AGBL4: variants seen among roughly 807,000 people sequenced by gnomAD.
AGBL4 encodes the protein AGBL carboxypeptidase 4.
Under a neutral mutation model 66.4 loss-of-function variants are expected in AGBL4, and 58 were observed. The observed-to-expected ratio is 0.87, with a 90% confidence interval of 0.71 to 1.09. AGBL4 has a LOEUF of 1.09. Ranked by LOEUF, AGBL4 falls within the 50% of genes least tolerant of loss-of-function variation. The pLI is 0.00. For missense variants in AGBL4, 579 were observed against 631.0 expected (o/e 0.92, Z 0.88); for synonymous variants, 234 against 222.9 (o/e 1.05, Z -0.44).
At chr1:48,967,342 T>A (rs1658530761) in intron 5 of AGBL4, among the ~76,000 whole-genome samples, 1 of 152,162 alleles carries the variant, frequency 6.6e-6, no homozygotes, top group Non-Finnish European at 1.5e-5. Flanking sequence ...ATTCACTCGT[T>A]TATTTATTCA....
chr1:49,041,307 A>T (rs1643936063), intron 5 of AGBL4, among the ~76,000 whole-genome samples: 1 of 152,122 alleles, frequency 6.6e-6, no homozygotes, highest in African/African-American at 2.4e-5. Context: ...GGTAACTGAG[A>T]ATCAACTTGT....
At chr1:49,331,093 G>T (rs959174672) in intron 3 of AGBL4, among the ~76,000 whole-genome samples, 4 of 152,166 alleles carry the variant, frequency 2.6e-5, no homozygotes, top group Non-Finnish European at 4.4e-5. Context: ...CACTCCACTA[G>T]GGTCTTGGGT....
chr1:49,901,109 C>T (rs1052924970), intron 1 of AGBL4, among the ~76,000 whole-genome samples: 2 of 152,270 alleles, frequency 1.3e-5, no homozygotes, highest in East Asian at 3.9e-4. Flanking sequence ...AAGATGAAAG[C>T]ATTCCACCTT....
intron 3 of AGBL4, among the ~76,000 whole-genome samples, chr1:49,581,887 G>C (rs1644549277): frequency 6.6e-6 from 1 of 152,094 alleles, no homozygotes; most frequent in Non-Finnish European, 1.5e-5. Flanking sequence ...TTGAGTTCCT[G>C]GGCAGCTGAG....
intron 1 of AGBL4, among the ~76,000 whole-genome samples, chr1:49,900,178 T>C (rs750966457): frequency 6.6e-6 from 1 of 152,248 alleles, no homozygotes; most frequent in Admixed American, 6.5e-5. Flanking sequence ...CTTCTAACTG[T>C]AGAAGCTAGT....
At position 48,945,617 on chromosome 1, in the gene AGBL4, G is replaced by A. The variant is rs146000354; in HGVS notation, c.595-78387C>T. ...ACACTGTATGAGAGAGCTTTGCCCT[G>A]TTCTGGTACCTGGTAAATACTCAGT... On this transcript the variant is annotated intron_variant, in intron 5 of 13. Coordinates refer to ENST00000371839, the MANE Select transcript of AGBL4 (RefSeq NM_032785.4). Among the ~76,000 whole-genome samples, 6 of 152,292 alleles carry A rather than the reference G, an allele frequency of 3.9e-5. No individual in the cohort carries two copies. The East Asian group carries it at 5.8e-4, about 15-fold the overall frequency.
intron 3 of AGBL4, among the ~76,000 whole-genome samples, chr1:49,444,994 G>A (rs1646121731): frequency 6.6e-6 from 1 of 151,312 alleles, no homozygotes; most frequent in Admixed American, 6.6e-5. Flanking sequence ...GGCAAAAGTA[G>A]TCCCTTCATT....
At chr1:48,655,405 G>A (rs1413793492) in intron 7 of AGBL4, among the ~76,000 whole-genome samples, 1 of 152,146 alleles carries the variant, frequency 6.6e-6, no homozygotes, top group Non-Finnish European at 1.5e-5. Flanking sequence ...TGCCATCCTG[G>A]CCAAAGACCA....
intron 6 of AGBL4, among the ~76,000 whole-genome samples, chr1:48,673,679 A>T (rs1349246745): frequency 2.0e-5 from 3 of 152,206 alleles, no homozygotes; most frequent in Admixed American, 2.0e-4. Flanking sequence ...GGGCTGAGAA[A>T]ACAAACCAAC....
At chr1:49,480,068 T>G (rs933256534) in intron 3 of AGBL4, among the ~76,000 whole-genome samples, 3 of 152,060 alleles carry the variant, frequency 2.0e-5, no homozygotes, top group Non-Finnish European at 2.9e-5. Flanking sequence ...GTCTTTGCTC[T>G]TGTGAATAGT....
intron 5 of AGBL4, among the ~76,000 whole-genome samples, chr1:48,888,321 C>A (rs1252842483): frequency 6.6e-6 from 1 of 152,102 alleles, no homozygotes; most frequent in Non-Finnish European, 1.5e-5. Flanking sequence ...GGAGAAAAGC[C>A]AAGGCAGAAT....
chr1:48,559,848 T>C (rs1393142792), intron 11 of AGBL4, among the ~76,000 whole-genome samples: 4 of 152,154 alleles, frequency 2.6e-5, no homozygotes, highest in Admixed American at 6.5e-5. Flanking sequence ...CTCTTGGTTA[T>C]AAATTCTGGG....
At chr1:49,829,663 A>T (rs1330758075) in intron 2 of AGBL4, among the ~76,000 whole-genome samples, 1 of 152,282 alleles carries the variant, frequency 6.6e-6, no homozygotes, top group South Asian at 2.1e-4. Flanking sequence ...CATGTGCGGA[A>T]CGGTGCAGGT....
At chr1:49,077,338 A>C (rs1220713575) in intron 4 of AGBL4, among the ~76,000 whole-genome samples, 1 of 152,186 alleles carries the variant, frequency 6.6e-6, no homozygotes, top group East Asian at 1.9e-4. Context: ...TGTCTGATTT[A>C]AATAACCAAA....
chr1:48,994,901 T>C (rs1457430849), intron 5 of AGBL4, among the ~76,000 whole-genome samples: 1 of 152,170 alleles, frequency 6.6e-6, no homozygotes, highest in Non-Finnish European at 1.5e-5. Context: ...CCATATTCTG[T>C]AGCATCATCC....
At chr1:49,605,177 G>T (rs533324487) in intron 3 of AGBL4, among the ~76,000 whole-genome samples, 1 of 152,222 alleles carries the variant, frequency 6.6e-6, no homozygotes, top group African/African-American at 2.4e-5. Flanking sequence ...TGTACTGGTG[G>T]TGCTTTCTAC....
rs148627863 is a variant in AGBL4, at chr1:49,220,607, T to C, written c.377+25163A>G. Among the ~76,000 whole-genome samples, 6 of 152,246 alleles carry C rather than the reference T, an allele frequency of 3.9e-5. No individual in the cohort carries two copies. In the East Asian group the frequency reaches 1.2e-3, roughly 29 times the overall value. Reference sequence around the variant, plus strand: ...CCACCACAACATCCAGTGGTGGTTCTCAGAAGAGAGTCAACTACTCTGCTC... The same window carrying C: ...CCACCACAACATCCAGTGGTGGTTCCCAGAAGAGAGTCAACTACTCTGCTC... On this transcript the variant is annotated intron_variant, in intron 4 of 13. Transcript: ENST00000371839.
intron 4 of AGBL4, among the ~76,000 whole-genome samples, chr1:49,135,712 C>A (rs1311700670): frequency 1.3e-5 from 2 of 152,146 alleles, no homozygotes; most frequent in Non-Finnish European, 2.9e-5. Context: ...CTTAAGAATG[C>A]CTTTAAGTGG....
At chr1:49,277,711 C>T (rs1437430274) in intron 3 of AGBL4, among the ~76,000 whole-genome samples, 1 of 149,430 alleles carries the variant, frequency 6.7e-6, no homozygotes, top group Non-Finnish European at 1.5e-5. Flanking sequence ...AGTAATTTTC[C>T]TAAGGTCAAA....
Sources: allele counts gnomAD v4.1 joint callset (sites outside exome capture counted in the v4.1 genomes callset), GRCh38; gene constraint gnomAD v4.1.1; transcripts MANE v1.5; gene names NCBI Gene and HGNC (gene_info 2026-07-23, HGNC 2026-07-21).